CASK: variants seen among roughly 807,000 people sequenced by gnomAD.
The protein encoded by CASK is peripheral plasma membrane protein CASK.
Under a neutral mutation model 82.9 loss-of-function variants are expected in CASK, and 4 were observed. That is an observed-to-expected ratio of 0.05 (90% CI 0.02 to 0.11). The LOEUF (loss-of-function observed/expected upper bound fraction) is 0.11, where lower values mean the gene tolerates loss of function less well. Among genes scored for constraint, CASK ranks in the 10% least tolerant of loss-of-function variants. The probability of loss-of-function intolerance (pLI) is 1.00; values close to 1 mark genes in which losing one functional copy is unlikely to be tolerated. For missense variants in CASK, 358 were observed against 720.9 expected, an observed-to-expected ratio of 0.50 and a Z score of 5.76; for synonymous variants, 259 against 253.5, an observed-to-expected ratio of 1.02 and a Z score of -0.20.
chrX:41,854,367 T>C (rs2071334395), intron 1 of CASK, among the ~76,000 whole-genome samples: 1 of 110,983 alleles, frequency 9.0e-6, no homozygotes. Flanking sequence ...GACTATAAAA[T>C]ACAGAATGCA....
At position 41,923,399 on chromosome X, in the gene CASK, G is replaced by C. The variant is rs1194441651; in HGVS notation, c.-411C>G. The C allele has an allele frequency of 9.0e-6, 1 of 110,810 alleles. No homozygotes were observed. Among genetic ancestry groups the C allele is most frequent in the African/African-American group, 3.3e-5 (1 of 30,768 alleles). The allele number at this position is 110,810 out of a possible 1,213,427, so 9.1% of individuals were successfully genotyped here. A position where few individuals can be genotyped will look rare whatever the true frequency, so the allele number is the denominator to read the frequency against. On this transcript the variant is annotated 5_prime_UTR_variant, in exon 1 of 27. Transcript: ENST00000378163. ...CTCCGTCGCGTCGCGGAGCAGCTCG[G>C]GCTACAGAGGGGGCCGCGGCAGGAC...
intron 10 of CASK, among the ~76,000 whole-genome samples, chrX:41,625,343 G>A (rs1355790298): frequency 9.2e-6 from 1 of 108,950 alleles, no homozygotes; most frequent in Non-Finnish European, 1.9e-5. Context: ...CCACCACCAC[G>A]CCCGGCTAAT....
At chrX:41,899,658 A>G in intron 1 of CASK, among the ~76,000 whole-genome samples, 1 of 111,478 alleles carries the variant, frequency 9.0e-6, no homozygotes, top group East Asian at 2.8e-4. Context: ...TAAAAGTACG[A>G]CACTTTTTCT....
chrX:41,802,843 G>A (rs185138995), intron 2 of CASK, among the ~76,000 whole-genome samples: 6 of 111,141 alleles, frequency 5.4e-5, no homozygotes, highest in Admixed American at 2.9e-4. Context: ...AAGTAGTCTC[G>A]TTGCATCATA....
chrX:41,566,770 G>T (rs931241244), intron 16 of CASK, among the ~76,000 whole-genome samples: 1 of 97,631 alleles, frequency 1.0e-5, no homozygotes, highest in African/African-American at 3.4e-5. Context: ...AAAAGAGCCC[G>T]CATTGCCAAG....
At chrX:41,610,884 T>C (rs927290063) in intron 11 of CASK, among the ~76,000 whole-genome samples, 1 of 111,741 alleles carries the variant, frequency 8.9e-6, no homozygotes, top group African/African-American at 3.3e-5. Flanking sequence ...TACACATATA[T>C]ACTCCACAAA....
intron 1 of CASK, among the ~76,000 whole-genome samples, chrX:41,896,434 T>C (rs2072271829): frequency 1.8e-5 from 2 of 112,029 alleles, no homozygotes; most frequent in Non-Finnish European, 3.8e-5. Context: ...ACAGATAATA[T>C]AGGGAAAAGA....
intron 8 of CASK, among the ~76,000 whole-genome samples, chrX:41,653,672 G>T (rs1395241325): frequency 8.9e-6 from 1 of 112,379 alleles, no homozygotes; most frequent in African/African-American, 3.2e-5. Flanking sequence ...GCAAAACCAA[G>T]AAACTACTGA....
intron 5 of CASK, among the ~76,000 whole-genome samples, chrX:41,698,265 G>A (rs2067729266): frequency 2.7e-5 from 3 of 111,959 alleles, no homozygotes; most frequent in Admixed American, 9.5e-5. Context: ...GTAGGCACGT[G>A]ATTATATTAT....
chrX:41,613,045 T>A (rs1359909093), intron 11 of CASK, among the ~76,000 whole-genome samples: 1 of 99,822 alleles, frequency 1.0e-5, no homozygotes, highest in African/African-American at 3.8e-5. Flanking sequence ...CTGCCCCGTC[T>A]GGGAGGTGAG....
intron 1 of CASK, among the ~76,000 whole-genome samples, chrX:41,859,824 C>T (rs146661865): frequency 0.032 from 3,504 of 110,930 alleles, 72 homozygotes; most frequent in Admixed American, 0.082. Flanking sequence ...ATGTATTGAT[C>T]GGTTGATGAA....
intron 2 of CASK, among the ~76,000 whole-genome samples, chrX:41,808,518 T>C (rs1355136181): frequency 8.9e-6 from 1 of 112,314 alleles, no homozygotes; most frequent in Non-Finnish European, 1.9e-5. Flanking sequence ...CTGTCTCTAT[T>C]TGAAAGTAAT....
At chrX:41,679,096 T>G (rs1327510520) in intron 5 of CASK, among the ~76,000 whole-genome samples, 1 of 110,533 alleles carries the variant, frequency 9.0e-6, no homozygotes, top group African/African-American at 3.3e-5. Flanking sequence ...TTAAAACTTC[T>G]ATAAAAAGTA....
chrX:41,827,886 T>C (rs2070699347), intron 2 of CASK, among the ~76,000 whole-genome samples: 1 of 111,707 alleles, frequency 9.0e-6, no homozygotes, highest in Non-Finnish European at 1.9e-5. Context: ...GACAAAATAA[T>C]TAAGATAAAC....
At chrX:41,728,717 G>A (rs982153079) in intron 5 of CASK, 1 of 122,964 alleles carries the variant, frequency 8.1e-6, no homozygotes, top group Non-Finnish European at 1.9e-5. Flanking sequence ...ACTACAGCCT[G>A]GGAGGCAGAG....
At chrX:41,675,320 G>A (rs1343312941) in intron 5 of CASK, among the ~76,000 whole-genome samples, 6 of 111,843 alleles carry the variant, frequency 5.4e-5, no homozygotes, top group Non-Finnish European at 1.1e-4. Flanking sequence ...TTCTACCACA[G>A]CCTTGTAAGT....
At position 41,609,784 on chromosome X, in the gene CASK, C is replaced by T. The variant is rs1225542083; in HGVS notation, c.1155+120G>A. 7.0e-6 allele frequency: 5 copies of T among 710,825 alleles called. No homozygotes were observed. In the South Asian group the frequency reaches 1.1e-4, roughly 16 times the overall value. The allele number at this position is 710,825 out of a possible 1,213,427, so 58.6% of individuals were successfully genotyped here. A position where few individuals can be genotyped will look rare whatever the true frequency, so the allele number is the denominator to read the frequency against. ...ATGTTGGCCAGGATGGTCTCAGTCT[C>T]CTGACCTCCTGATACGCCCGCCTCT... is the stretch of plus-strand genomic sequence containing the variant. On this transcript the variant is annotated intron_variant, in intron 12 of 26. Transcript: ENST00000378163.
intron 4 of CASK, among the ~76,000 whole-genome samples, chrX:41,743,236 G>T (rs760565510): frequency 9.0e-6 from 1 of 111,322 alleles, no homozygotes; most frequent in Non-Finnish European, 1.9e-5. Flanking sequence ...AGGTATCCCC[G>T]TGTTATTGTG....
chrX:41,582,446 G>T (rs1422057448), intron 14 of CASK, among the ~76,000 whole-genome samples: 1 of 111,167 alleles, frequency 9.0e-6, no homozygotes, highest in African/African-American at 3.3e-5. Flanking sequence ...CTCCTGAGTA[G>T]CTGGGACTAC....
Sources: allele counts gnomAD v4.1 joint callset (sites outside exome capture counted in the v4.1 genomes callset), GRCh38; gene constraint gnomAD v4.1.1; transcripts MANE v1.5; gene names NCBI Gene and HGNC (gene_info 2026-07-23, HGNC 2026-07-21).